Variants in GHITM observed in about 807,000 individuals in gnomAD.
The protein encoded by GHITM is growth hormone inducible transmembrane protein, also known as growth hormone-inducible transmembrane protein.
Under a neutral mutation model 38.7 loss-of-function variants are expected in GHITM, and 24 were observed. That is an observed-to-expected ratio of 0.62 (90% confidence interval 0.45 to 0.87). The LOEUF is 0.87. GHITM is among the 40% of genes least tolerant of loss of function. GHITM has a pLI of 0.00. For synonymous variants in GHITM, 154 were observed against 147.8 expected (o/e 1.04, Z -0.30); for missense variants, 420 against 429.8 (o/e 0.98, Z 0.20).
chr10:84,145,199 A>T (rs1672125436), intron 5 of GHITM, among the ~76,000 whole-genome samples, 183 bp downstream of exon 5: 2 of 152,216 alleles, frequency 1.3e-5, no homozygotes, highest in South Asian at 2.1e-4. Flanking sequence ...AAAATCCAAA[A>T]CATTTGTAGT....
At chr10:84,148,360 T>G (rs1393193695) in intron 5 of GHITM, among the ~76,000 whole-genome samples, 1 of 152,228 alleles carries the variant, frequency 6.6e-6, no homozygotes, top group Non-Finnish European at 1.5e-5. Context: ...TGGCACGATC[T>G]TGCCTCATTG....
rs1449308255 is a variant in GHITM at position 84,144,911 on chromosome 10, C to A, written c.378C>A (p.Ser126=). ...AGTATGTCAAGGATAGAATTCATTC[C>A]ACCTATATGTACTTAGCAGGGAGTA... The part of the protein sequence containing the change: ...WPQYVKDRIH[S]TYMYLAGSIG... Residue 126 remains serine, a synonymous_variant, in exon 5 of 9, where the codon TCC becomes TCA. Transcript: ENST00000372134. 6 of 1,601,880 alleles carry A rather than the reference C, an allele frequency of 3.7e-6. No homozygotes were observed. The East Asian group carries it at 1.3e-4, about 36-fold the overall frequency.
chr10:84,150,289 T>C, intron 7 of GHITM, 46 bp downstream of exon 7: 1 of 1,394,066 alleles, frequency 7.2e-7, no homozygotes, highest in African/African-American at 1.4e-5. Context: ...CATAGTTTCC[T>C]GTAACCTGAA....
intron 7 of GHITM, 93 bp from the exon 8 acceptor site, chr10:84,150,616 C>T: frequency 1.0e-6 from 1 of 995,674 alleles, no homozygotes; most frequent in Non-Finnish European, 1.5e-6. Context: ...CACAGTATAC[C>T]AAGGAGATTT....
chr10:84,150,470 G>C (rs1010451640), intron 7 of GHITM, among the ~76,000 whole-genome samples: 3 of 152,192 alleles, frequency 2.0e-5, no homozygotes, highest in African/African-American at 7.2e-5. Flanking sequence ...TTGGTCTGGA[G>C]AACATGAATA....
At chr10:84,147,297 TG>T (rs1422532253) in intron 5 of GHITM, among the ~76,000 whole-genome samples, 4 of 152,348 alleles carry the variant, frequency 2.6e-5, no homozygotes, top group Non-Finnish European at 4.4e-5. Context: ...TAGATCTCTA[TG>T]TTTGCCTAGG....
chr10:84,143,851 A>C, intron 3 of GHITM, 144 bp from the exon 4 acceptor site: 1 of 603,860 alleles, frequency 1.7e-6, no homozygotes. Flanking sequence ...TGGTTACCTA[A>C]CATTGAGGCA....
chr10:84,142,789 T>C, intron 3 of GHITM, 35 bp downstream of exon 3: 1 of 1,143,896 alleles, frequency 8.7e-7, no homozygotes, highest in South Asian at 1.3e-5. Flanking sequence ...ACCTAGAATC[T>C]ATGGATATGT....
chr10:84,144,149 G>A, intron 4 of GHITM, 43 bp downstream of exon 4: 1 of 1,247,646 alleles, frequency 8.0e-7, no homozygotes, highest in Non-Finnish European at 1.2e-6. Flanking sequence ...AACAACTCCA[G>A]CCTTAAAACA....
chr10:84,146,433 G>A (rs1444459247), intron 5 of GHITM, among the ~76,000 whole-genome samples: 2 of 152,162 alleles, frequency 1.3e-5, no homozygotes, highest in African/African-American at 2.4e-5. Context: ...GGGAAGGAGA[G>A]TTCATGTAAC....
chr10:84,141,622 C>T lies in GHITM; in HGVS notation c.122C>T (p.Pro41Leu). Residue 41 changes from proline (P) to leucine (L), a missense_variant, in exon 2 of 9, where the codon CCT becomes CTT. Coordinates refer to ENST00000372134, the MANE Select transcript of GHITM (RefSeq NM_014394.3). The stretch of plus-strand genomic sequence containing the variant: ...ACGAAGAATCAATGGCTGTTAACAC[C>T]TAGCAGGGTAAAGATAATCTGAATG... ...SITKNQWLLT[P>L]SREYATKTRI... 1 of 1,613,696 alleles carries T rather than the reference C, an allele frequency of 6.2e-7. No homozygotes were observed. The highest frequency in any genetic ancestry group is 8.5e-7 in the Non-Finnish European group (1 of 1,179,632).
intron 7 of GHITM, among the ~76,000 whole-genome samples, 177 bp downstream of exon 7, chr10:84,150,420 A>G (rs375735899): frequency 3.3e-5 from 5 of 152,372 alleles, no homozygotes; most frequent in African/African-American, 9.6e-5. Context: ...ATGGTCAACC[A>G]TTATTACTGG....
chr10:84,144,546 G>T (rs903565607), intron 4 of GHITM, among the ~76,000 whole-genome samples: 2 of 152,060 alleles, frequency 1.3e-5, no homozygotes, highest in Non-Finnish European at 2.9e-5. Context: ...TAGAGACGGG[G>T]TTTCACCATT....
In GHITM at chr10:84,144,910, C is replaced by T. The variant is rs1321464460; in HGVS notation, c.377C>T (p.Ser126Phe). 1.2e-6 allele frequency: 2 copies of T among 1,602,698 alleles called. No homozygotes were observed. The highest frequency in any genetic ancestry group is 1.3e-5 in the African/African-American group (1 of 74,624). The change falls in exon 5 of 9, where the codon TCC becomes TTC. Residue 126 changes from serine to phenylalanine, a missense_variant. Transcript: ENST00000372134. ...CAGTATGTCAAGGATAGAATTCATT[C>T]CACCTATATGTACTTAGCAGGGAGT... is the stretch of plus-strand genomic sequence containing the variant. ...WPQYVKDRIH[S>F]TYMYLAGSIG...
Position 84,148,858 on chromosome 10 carries a change from G to A in GHITM, c.592+20G>A, listed in dbSNP as rs1317630306. On this transcript the variant is annotated intron_variant, in intron 6 of 8. Coordinates refer to ENST00000372134, the MANE Select transcript of GHITM (RefSeq NM_014394.3). ...ATTCTGGTATGTTCTGTTTTAAATT[G>A]TTACGAGACAACCTTGACTACCACC... The A allele has an allele frequency of 1.4e-6, 2 of 1,461,038 alleles. No homozygotes were observed. The highest frequency in any genetic ancestry group is 1.9e-6 in the Non-Finnish European group (2 of 1,041,146). The allele number at this position is 1,461,038 out of a possible 1,614,324, so 90.5% of individuals were successfully genotyped here.
At chr10:84,144,253 T>C in intron 4 of GHITM, 147 bp downstream of exon 4, 1 of 561,434 alleles carries the variant, frequency 1.8e-6, no homozygotes, top group Non-Finnish European at 3.2e-6. Context: ...GAATCTCTTT[T>C]TGCTTCTTTG....
At position 84,153,315 on chromosome 10, in the gene GHITM, T is replaced by G. The variant is rs1367812873; in HGVS notation, c.*967T>G. On this transcript the variant is annotated 3_prime_UTR_variant, in exon 9 of 9. Transcript: ENST00000372134. The stretch of plus-strand genomic sequence containing the variant: ...ACACTGGAAATTATGAAAGCAGTTT[T>G]TCTCCTAAGACTTTTGGTTTCTCGC... 6.6e-6 allele frequency: 1 copy of G among 152,208 alleles called. No homozygotes were observed. Among genetic ancestry groups the G allele is most frequent in the East Asian group, 1.9e-4 (1 of 5,200 alleles). 9.4% of individuals were successfully genotyped at this position (152,208 alleles called of 1,614,324 possible). A position where few individuals can be genotyped will look rare whatever the true frequency, so the allele number is the denominator to read the frequency against.
At chr10:84,147,108 T>A (rs771649643) in intron 5 of GHITM, among the ~76,000 whole-genome samples, 3 of 152,196 alleles carry the variant, frequency 2.0e-5, no homozygotes, top group Non-Finnish European at 2.9e-5. Flanking sequence ...CAGTTCCGTA[T>A]GGTTGGAATG....
intron 1 of GHITM, chr10:84,140,387 A>G (rs1420957740): frequency 6.6e-6 from 1 of 152,226 alleles, no homozygotes; most frequent in Admixed American, 6.5e-5. Flanking sequence ...AGTGTTCGTT[A>G]AAACACACGT....
Sources: allele counts gnomAD v4.1 joint callset (sites outside exome capture counted in the v4.1 genomes callset), GRCh38; gene constraint gnomAD v4.1.1; transcripts MANE v1.5; gene names NCBI Gene and HGNC (gene_info 2026-07-23, HGNC 2026-07-21).